Variants in CNTNAP2 observed in about 807,000 individuals in gnomAD.
CNTNAP2 encodes contactin-associated protein-like 2.
CNTNAP2 carries 98 observed loss-of-function variants against 155.2 expected under a neutral mutation model. That is an observed-to-expected ratio of 0.63 (90% CI 0.54 to 0.75). The LOEUF (loss-of-function observed/expected upper bound fraction) is 0.75, where lower values mean the gene tolerates loss of function less well. CNTNAP2 is among the 30% of genes least tolerant of loss of function. The pLI, the probability that CNTNAP2 is intolerant of heterozygous loss-of-function variation, is 0.00. For synonymous variants in CNTNAP2, 651 were observed against 631.2 expected, an observed-to-expected ratio of 1.03 and a Z score of -0.47; for missense variants, 1,727 against 1,688.1, an observed-to-expected ratio of 1.02 and a Z score of -0.40.
intron 1 of CNTNAP2, among the ~76,000 whole-genome samples, chr7:146,684,481 A>G (rs1800559537): frequency 6.6e-6 from 1 of 151,988 alleles, no homozygotes; most frequent in South Asian, 2.1e-4. Context: ...TGACTACTCT[A>G]AATCTCTGAA....
At chr7:147,720,814 T>C (rs1045149714) in intron 13 of CNTNAP2, among the ~76,000 whole-genome samples, 1 of 152,010 alleles carries the variant, frequency 6.6e-6, no homozygotes, top group Admixed American at 6.6e-5. Context: ...CTTTCCTTTA[T>C]AAATTATCAG....
intron 14 of CNTNAP2, among the ~76,000 whole-genome samples, chr7:147,963,910 T>G (rs1563150676): frequency 6.6e-6 from 1 of 152,146 alleles, no homozygotes; most frequent in Non-Finnish European, 1.5e-5. Context: ...TTTTTCAGAA[T>G]TAATATTTTC....
intron 11 of CNTNAP2, among the ~76,000 whole-genome samples, chr7:147,525,674 C>T (rs180747577): frequency 8.5e-5 from 13 of 152,142 alleles, no homozygotes; most frequent in African/African-American, 2.9e-4. Flanking sequence ...TGGGGCTGTA[C>T]GTCTTAACAT....
intron 2 of CNTNAP2, among the ~76,000 whole-genome samples, chr7:146,810,973 C>A (rs543374375): frequency 6.6e-6 from 1 of 152,274 alleles, no homozygotes; most frequent in Non-Finnish European, 1.5e-5. Flanking sequence ...CCTTGCATCT[C>A]AAGGATAAAT....
intron 15 of CNTNAP2, chr7:148,044,716 C>CTGT (rs926004420): frequency 2.6e-5 from 4 of 152,272 alleles, no homozygotes; most frequent in East Asian, 1.9e-4. Flanking sequence ...AAGCAATCTG[C>CTGT]TGTTGTTGTT....
rs200503606 is a variant in CNTNAP2, at chr7:148,166,142, T to A, written c.2774-6100T>A. 2.0e-5 allele frequency among the ~76,000 whole-genome samples: 3 copies of A among 152,132 alleles called. No individual in the cohort carries two copies. In the East Asian group the frequency reaches 5.8e-4, roughly 30 times the overall value. On this transcript the variant is annotated intron_variant, in intron 17 of 23. Transcript: ENST00000361727. Reference sequence around the variant, plus strand: ...TGGATCCCAGCTAACCCTGCTTGACTTTTTTCTCCATAGTGGCTACCACCT... The same window carrying A: ...TGGATCCCAGCTAACCCTGCTTGACATTTTTCTCCATAGTGGCTACCACCT...
At chr7:148,118,412 A>T (rs781316310) in intron 16 of CNTNAP2, 124 bp downstream of exon 16, 4 of 1,073,106 alleles carry the variant, frequency 3.7e-6, no homozygotes, top group Non-Finnish European at 5.5e-6. Flanking sequence ...CAGGAGCAGG[A>T]CTAGAGGTGG....
intron 7 of CNTNAP2, among the ~76,000 whole-genome samples, 190 bp downstream of exon 7, chr7:147,129,026 G>T (rs1171109006): frequency 6.6e-6 from 1 of 152,124 alleles, no homozygotes; most frequent in Non-Finnish European, 1.5e-5. Context: ...AATAGCTAAT[G>T]GGACTAGCTT....
chr7:146,305,527 A>C (rs975906178), intron 1 of CNTNAP2, among the ~76,000 whole-genome samples: 26 of 151,886 alleles, frequency 1.7e-4, no homozygotes, highest in African/African-American at 6.3e-4. Flanking sequence ...GGTCTGTTGG[A>C]GTTTCCTGGA....
intron 11 of CNTNAP2, among the ~76,000 whole-genome samples, chr7:147,526,090 G>A (rs1306613836): frequency 1.3e-5 from 2 of 151,602 alleles, no homozygotes; most frequent in African/African-American, 4.9e-5. Flanking sequence ...TACTCGAGAG[G>A]CTGAGGCAGG....
At chr7:148,301,306 A>AAAAAATATAT in intron 21 of CNTNAP2, among the ~76,000 whole-genome samples, 56 of 103,844 alleles carry the variant, frequency 5.4e-4, no homozygotes, top group South Asian at 2.8e-3. Context: ...AAAAAAAAAA[A>AAAAAATATAT]ATATATATAT....
At position 146,352,909 on chromosome 7, in the gene CNTNAP2, C is replaced by G. The variant is rs573153419; in HGVS notation, c.97+235936C>G. 1.2e-4 allele frequency among the ~76,000 whole-genome samples: 18 copies of G among 150,848 alleles called. No homozygotes were observed. The East Asian group carries it at 2.9e-3, about 25-fold the overall frequency. Reference sequence around the variant, plus strand: ...CGCTAGGACTACAGGCACCCGCCACCACGCCCGGCTAATTTTTTGTATTTT... The same window carrying G: ...CGCTAGGACTACAGGCACCCGCCACGACGCCCGGCTAATTTTTTGTATTTT... On this transcript the variant is annotated intron_variant, in intron 1 of 23. Coordinates refer to ENST00000361727, the MANE Select transcript of CNTNAP2 (RefSeq NM_014141.6).
chr7:146,406,955 T>C (rs1020256992), intron 1 of CNTNAP2, among the ~76,000 whole-genome samples: 3 of 152,222 alleles, frequency 2.0e-5, no homozygotes, highest in African/African-American at 7.2e-5. Context: ...GTTACAAAGT[T>C]AGTCCTTATT....
chr7:147,172,069 G>T (rs1307826597), intron 8 of CNTNAP2, among the ~76,000 whole-genome samples: 1 of 152,002 alleles, frequency 6.6e-6, no homozygotes. Flanking sequence ...CACTAATACT[G>T]GTTCATTGTA....
chr7:147,150,233 G>A (rs1032215490), intron 8 of CNTNAP2, among the ~76,000 whole-genome samples: 1 of 152,102 alleles, frequency 6.6e-6, no homozygotes. Flanking sequence ...GATAAACAGA[G>A]AAGAGGAAAG....
chr7:146,779,160 C>T (rs1025378080), intron 2 of CNTNAP2, among the ~76,000 whole-genome samples: 1 of 152,180 alleles, frequency 6.6e-6, no homozygotes, highest in African/African-American at 2.4e-5. Flanking sequence ...TCTGACTGAA[C>T]TTCAGCTTGA....
chr7:148,247,550 C>T (rs1213585036), intron 20 of CNTNAP2, among the ~76,000 whole-genome samples: 2 of 151,888 alleles, frequency 1.3e-5, no homozygotes, highest in East Asian at 1.9e-4. Context: ...ATAAAACGCC[C>T]GGCAATAGTT....
intron 21 of CNTNAP2, among the ~76,000 whole-genome samples, chr7:148,300,485 A>G (rs1299654261): frequency 6.6e-6 from 1 of 152,078 alleles, no homozygotes; most frequent in African/African-American, 2.4e-5. Context: ...TCTTTTCTCA[A>G]TAAGATTAAG....
intron 18 of CNTNAP2, among the ~76,000 whole-genome samples, chr7:148,177,990 C>G (rs1187298420): frequency 6.6e-6 from 1 of 151,022 alleles, no homozygotes; most frequent in Non-Finnish European, 1.5e-5. Context: ...GCCCAGAAGT[C>G]TTGAATGTAT....
Sources: gnomAD v4.1 joint callset for allele counts (sites outside exome capture counted in the v4.1 genomes callset) on GRCh38, gnomAD v4.1.1 for gene constraint, MANE v1.5 for transcripts, NCBI Gene and HGNC (gene_info 2026-07-23, HGNC 2026-07-21) for gene names.